Variants in EPHB1 observed in about 807,000 individuals in gnomAD.
EPHB1 encodes the protein ephrin type-B receptor 1.
In EPHB1, 30 loss-of-function variants were observed where a neutral mutation model predicts 94.4. The ratio of observed to expected loss-of-function variants is 0.32; its 90% CI spans 0.24 to 0.43. The LOEUF (loss-of-function observed/expected upper bound fraction) is 0.43. EPHB1 is among the 20% of genes least tolerant of loss of function. EPHB1 has a pLI of 1.00. For synonymous variants in EPHB1, 522 were observed against 489.1 expected (o/e 1.07, Z -0.89); for missense variants, 1,055 against 1,308.3 (o/e 0.81, Z 2.99).
chr3:135,235,971 G>A (rs929897824), intron 12 of EPHB1, among the ~76,000 whole-genome samples: 4 of 152,290 alleles, frequency 2.6e-5, no homozygotes, highest in South Asian at 2.1e-4. Flanking sequence ...ATAGTAGCCC[G>A]TGATGGTTCT....
intron 3 of EPHB1, among the ~76,000 whole-genome samples, chr3:135,070,560 C>T (rs534022200): frequency 1.8e-4 from 28 of 152,260 alleles, no homozygotes; most frequent in African/African-American, 6.3e-4. Flanking sequence ...AAGGGACTTG[C>T]AAGGCCACTG....
intron 15 of EPHB1, among the ~76,000 whole-genome samples, chr3:135,258,332 G>A (rs749275477): frequency 1.3e-5 from 2 of 152,176 alleles, no homozygotes; most frequent in African/African-American, 4.8e-5. Context: ...TGTATGGCAC[G>A]TGGGATGCAT....
Position 135,192,598 on chromosome 3 carries a change from G to A in EPHB1, c.1905G>A (p.Lys635=). The A allele has an allele frequency of 1.2e-6, 2 of 1,613,884 alleles. No homozygotes were observed. Among genetic ancestry groups the A allele is most frequent in the Non-Finnish European group, 1.7e-6 (2 of 1,179,866 alleles). ...IGAGEFGEVY[K]GRLKLPGKRE... is the part of the protein sequence containing the mutation. ...CAGGGGAGTTTGGAGAAGTGTACAA[G>A]GGGCGTTTGAAACTGCCAGGCAAGA... Residue 635 remains lysine (K), a synonymous_variant, in exon 11 of 16, where the codon AAG becomes AAA. Transcript: ENST00000398015.
At chr3:135,239,134 C>A (rs1033407670) in intron 12 of EPHB1, among the ~76,000 whole-genome samples, 1 of 152,180 alleles carries the variant, frequency 6.6e-6, no homozygotes, top group South Asian at 2.1e-4. Flanking sequence ...ATCTCCCCCA[C>A]CACAAAAGCC....
In EPHB1 at chr3:134,943,698, C is replaced by T. The variant is rs2039164363; in HGVS notation, c.124-7673C>T. 3.3e-5 allele frequency among the ~76,000 whole-genome samples: 5 copies of T among 152,176 alleles called. No individual in the cohort carries two copies. The South Asian group carries it at 8.3e-4, about 25-fold the overall frequency. On this transcript the variant is annotated intron_variant, in intron 2 of 15. Transcript: ENST00000398015. ...TAGGGATGCTTCCTTGGCCTCCTAG[C>T]CCCTCTAGATGCCACCTTTGCCTCA...
intron 1 of EPHB1, among the ~76,000 whole-genome samples, chr3:134,848,017 TG>T (rs2036908760): frequency 6.6e-6 from 1 of 152,200 alleles, no homozygotes; most frequent in Non-Finnish European, 1.5e-5. Flanking sequence ...TTGACTAATT[TG>T]GGGGCATTTT....
intron 11 of EPHB1, among the ~76,000 whole-genome samples, chr3:135,198,365 C>T (rs1031352221): frequency 1.8e-4 from 27 of 152,328 alleles, no homozygotes; most frequent in Admixed American, 1.6e-3. Context: ...TTGCCTACTG[C>T]ACAGGACTGG....
At chr3:135,077,953 A>G (rs1938004994) in intron 3 of EPHB1, among the ~76,000 whole-genome samples, 1 of 152,248 alleles carries the variant, frequency 6.6e-6, no homozygotes, top group African/African-American at 2.4e-5. Context: ...GGAAGACTCT[A>G]TAGAAAGCAT....
Position 135,097,847 on chromosome 3 carries a change from A to G in EPHB1, c.806-8601A>G, listed in dbSNP as rs1938862645. Among the ~76,000 whole-genome samples, 5 of 152,258 alleles carry G rather than the reference A, an allele frequency of 3.3e-5. 1 individual carries two copies. In the South Asian group the frequency reaches 1.0e-3, roughly 32 times the overall value. On this transcript the variant is annotated intron_variant, in intron 3 of 15. Coordinates refer to ENST00000398015, the MANE Select transcript of EPHB1 (RefSeq NM_004441.5). ...AATGCGCTCCAGCCCTCCTCCCACC[A>G]TGGCCCACATAGATGCTTCGTATTC...
At chr3:135,026,538 A>T (rs1425283608) in intron 3 of EPHB1, among the ~76,000 whole-genome samples, 3 of 143,564 alleles carry the variant, frequency 2.1e-5, no homozygotes, top group Non-Finnish European at 4.5e-5. Flanking sequence ...ATGCGGCGTT[A>T]TTTCTGAGGG....
At position 135,192,719 on chromosome 3, in the gene EPHB1, G is replaced by A. The variant is rs757883750; in HGVS notation, c.2026G>A (p.Asp676Asn). The A allele has an allele frequency of 1.7e-5, 28 of 1,614,016 alleles. No individual in the cohort carries two copies. The highest frequency in any genetic ancestry group is 1.6e-4 in the Middle Eastern group (1 of 6,084). ...LSEASIMGQF[D>N]HPNIIRLEGV... Reference sequence around the variant, plus strand: ...TGAGGCGAGCATCATGGGCCAGTTCGACCATCCTAACATCATTCGCCTGGA... The same window carrying A: ...TGAGGCGAGCATCATGGGCCAGTTCAACCATCCTAACATCATTCGCCTGGA... The change falls in exon 11 of 16, where the codon GAC becomes AAC. Residue 676 changes from aspartate (D) to asparagine (N), a missense_variant. Asp to Asn is a conservative substitution (Grantham distance 23). Transcript: ENST00000398015.
rs865851383 is a variant in EPHB1, at chr3:135,103,107, C to T, written c.806-3341C>T. On this transcript the variant is annotated intron_variant, in intron 3 of 15. Coordinates refer to ENST00000398015, the MANE Select transcript of EPHB1 (RefSeq NM_004441.5). ...TGTATCCCTATGTAACAAACCTGCA[C>T]GTTCTGCACATGTATCCCACAACTT... Among the ~76,000 whole-genome samples, 5 of 151,292 alleles carry T rather than the reference C, an allele frequency of 3.3e-5. No homozygotes were observed. In the South Asian group the frequency reaches 8.4e-4, roughly 25 times the overall value.
chr3:134,941,760 C>CACACACAG (rs2039122290), intron 2 of EPHB1, among the ~76,000 whole-genome samples: 1 of 110,776 alleles, frequency 9.0e-6, no homozygotes, highest in Non-Finnish European at 1.8e-5. Context: ...CAGACACACA[C>CACACACAG]ACACACACAC....
chr3:135,037,122 T>A (rs1936670601), intron 3 of EPHB1, among the ~76,000 whole-genome samples: 1 of 152,198 alleles, frequency 6.6e-6, no homozygotes, highest in Non-Finnish European at 1.5e-5. Flanking sequence ...AATTAGCACA[T>A]GCTGAAGAGC....
chr3:134,818,985 A>G (rs2036327105), intron 1 of EPHB1, among the ~76,000 whole-genome samples: 1 of 152,196 alleles, frequency 6.6e-6, no homozygotes, highest in Admixed American at 6.5e-5. Context: ...GGCTGGAAAC[A>G]GGAGGTGGAG....
chr3:134,867,292 T>C (rs2037400139), intron 1 of EPHB1, among the ~76,000 whole-genome samples: 1 of 152,160 alleles, frequency 6.6e-6, no homozygotes, highest in Non-Finnish European at 1.5e-5. Flanking sequence ...TAGGGGAGGT[T>C]TTACTCTCCC....
intron 1 of EPHB1, among the ~76,000 whole-genome samples, chr3:134,812,059 GA>G (rs2036189848): frequency 6.6e-6 from 1 of 152,216 alleles, no homozygotes; most frequent in Non-Finnish European, 1.5e-5. Context: ...CCTACTCGCT[GA>G]ATGTCTGCCC....
At chr3:135,052,228 T>C (rs1463264258) in intron 3 of EPHB1, among the ~76,000 whole-genome samples, 6 of 152,156 alleles carry the variant, frequency 3.9e-5, no homozygotes, top group African/African-American at 1.4e-4. Context: ...ACTGGACCCA[T>C]TGAATGAACT....
chr3:134,912,515 T>G (rs1380500430), intron 1 of EPHB1, among the ~76,000 whole-genome samples: 1 of 152,232 alleles, frequency 6.6e-6, no homozygotes, highest in Non-Finnish European at 1.5e-5. Flanking sequence ...GTGTGGTTCT[T>G]TCCTTTCCTG....
Sources: allele counts gnomAD v4.1 joint callset (sites outside exome capture counted in the v4.1 genomes callset), GRCh38; gene constraint gnomAD v4.1.1; transcripts MANE v1.5; gene names NCBI Gene and HGNC (gene_info 2026-07-23, HGNC 2026-07-21).